ZBED6: variants seen among roughly 807,000 people sequenced by gnomAD.
The protein encoded by ZBED6 is zinc finger BED-type containing 6, also known as zinc finger BED domain-containing protein 6.
In ZBED6, 40 loss-of-function variants were observed where a neutral mutation model predicts 58.4. That is an observed-to-expected ratio of 0.68 (90% CI 0.53 to 0.89). The LOEUF is 0.89. Among genes scored for constraint, ZBED6 ranks in the 40% least tolerant of loss-of-function variants. The pLI, the probability that ZBED6 is intolerant of heterozygous loss-of-function variation, is 0.00. For synonymous variants in ZBED6, 439 were observed against 350.6 expected, an observed-to-expected ratio of 1.25 and a Z score of -2.82; for missense variants, 1,057 against 1,003.9, an observed-to-expected ratio of 1.05 and a Z score of -0.71.
chr1:203,840,248 T>G, intron 10 of ZBED6, 58 bp from the exon 11 acceptor site: 1 of 1,555,092 alleles, frequency 6.4e-7, no homozygotes, highest in Non-Finnish European at 8.9e-7. Context: ...AAACCTGTAT[T>G]TAAGCTGTAA....
chr1:203,796,343 G>A (rs1339683351), exon 1 of ZBED6: 16 of 398,344 alleles, frequency 4.0e-5, no homozygotes, highest in Non-Finnish European at 7.1e-5. Flanking sequence ...GAAAGCCACC[G>A]ACCTTATTCC....
At chr1:203,839,324 G>C (rs1023288432) in intron 10 of ZBED6, among the ~76,000 whole-genome samples, 2 of 152,332 alleles carry the variant, frequency 1.3e-5, no homozygotes, top group East Asian at 3.9e-4. Flanking sequence ...GTACAGGAAT[G>C]CACTATTGCG....
Position 203,849,603 on chromosome 1 carries a change from T to G in ZBED6, c.*4323-108T>G, listed in dbSNP as rs991142391. 1.1e-4 allele frequency: 112 copies of G among 1,057,344 alleles called. No homozygotes were observed. The African/African-American group carries it at 1.5e-3, about 15-fold the overall frequency. The allele number at this position is 1,057,344 out of a possible 1,614,324, so 65.5% of individuals were successfully genotyped here. A position where few individuals can be genotyped will look rare whatever the true frequency, so the allele number is the denominator to read the frequency against. On this transcript the variant is annotated intron_variant, in intron 13 of 16. Coordinates refer to ENST00000550078, the Ensembl canonical transcript of ZBED6. Reference sequence around the variant, plus strand: ...CAAATAAAGAGCTTTTCTCTCAGATTCTGGATCATGTGAGATTCTGCTTAA... The same window carrying G: ...CAAATAAAGAGCTTTTCTCTCAGATGCTGGATCATGTGAGATTCTGCTTAA...
exon 1 of ZBED6, chr1:203,798,973 T>C: frequency 6.5e-7 from 1 of 1,536,130 alleles, no homozygotes; most frequent in African/African-American, 1.4e-5. Flanking sequence ...CACCTGACTG[T>C]TGACATATGG....
chr1:203,845,529 A>G (rs1687647108), intron 11 of ZBED6, among the ~76,000 whole-genome samples: 1 of 152,200 alleles, frequency 6.6e-6, no homozygotes, highest in South Asian at 2.1e-4. Context: ...TTTGATCAGA[A>G]AAACTAAATT....
chr1:203,818,662 G>T (rs750170466), exon 3 of ZBED6: 1 of 1,614,158 alleles, frequency 6.2e-7, no homozygotes, highest in Non-Finnish European at 8.5e-7. Flanking sequence ...TTCGACAGGT[G>T]TGCAGGTTTC....
chr1:203,805,923 C>T (rs553517709), intron 1 of ZBED6: 20 of 666,096 alleles, frequency 3.0e-5, no homozygotes, highest in Admixed American at 2.5e-4. Context: ...TGTCTACCTT[C>T]ATTTCCTTTG....
chr1:203,842,249 G>T (rs906337524), intron 11 of ZBED6, among the ~76,000 whole-genome samples: 2 of 152,160 alleles, frequency 1.3e-5, no homozygotes, highest in Non-Finnish European at 2.9e-5. Flanking sequence ...AAGGCAGGCG[G>T]CTGGGAGGTG....
At chr1:203,838,109 A>C (rs762809696) in intron 10 of ZBED6, 45 bp downstream of exon 10, 3 of 1,563,544 alleles carry the variant, frequency 1.9e-6, no homozygotes, top group Non-Finnish European at 2.6e-6. Flanking sequence ...TAATTATGAC[A>C]CTTGTGTCTT....
intron 1 of ZBED6, among the ~76,000 whole-genome samples, chr1:203,809,434 C>T (rs1673586908): frequency 6.6e-6 from 1 of 151,982 alleles, no homozygotes; most frequent in South Asian, 2.1e-4. Context: ...CTCCGAAATC[C>T]CAGGTTGCTG....
At chr1:203,810,585 A>G (rs924923882) in intron 1 of ZBED6, among the ~76,000 whole-genome samples, 1 of 151,850 alleles carries the variant, frequency 6.6e-6, no homozygotes, top group Non-Finnish European at 1.5e-5. Context: ...ACGCCCAGCT[A>G]ATTTTTTGTA....
At chr1:203,812,845 G>A (rs1286886619) in intron 1 of ZBED6, among the ~76,000 whole-genome samples, 1 of 152,090 alleles carries the variant, frequency 6.6e-6, no homozygotes, top group Non-Finnish European at 1.5e-5. Flanking sequence ...GCCTCCCAAA[G>A]TGCTGGGATT....
intron 10 of ZBED6, among the ~76,000 whole-genome samples, chr1:203,839,017 G>A (rs1685257310): frequency 6.6e-6 from 1 of 151,260 alleles, no homozygotes; most frequent in Non-Finnish European, 1.5e-5. Context: ...AGGCTCAAAT[G>A]TGCATTTTAA....
intron 1 of ZBED6, among the ~76,000 whole-genome samples, chr1:203,805,415 G>A (rs1024416726): frequency 3.3e-5 from 5 of 152,134 alleles, no homozygotes; most frequent in African/African-American, 1.2e-4. Context: ...ACAGGTGTGA[G>A]CCACCGCGCC....
At chr1:203,843,162 A>C (rs1572325190) in intron 11 of ZBED6, among the ~76,000 whole-genome samples, 1 of 152,166 alleles carries the variant, frequency 6.6e-6, no homozygotes. Context: ...ATCTCTCCCT[A>C]GTATGCTGCA....
intron 1 of ZBED6, chr1:203,806,324 C>T (rs1301895837): frequency 8.6e-6 from 2 of 231,728 alleles, no homozygotes; most frequent in East Asian, 1.4e-4. Flanking sequence ...TTTTTTGAGA[C>T]GGAGTCTCGC....
intron 11 of ZBED6, among the ~76,000 whole-genome samples, chr1:203,844,952 C>T (rs1239741765): frequency 6.6e-6 from 1 of 152,024 alleles, no homozygotes; most frequent in Non-Finnish European, 1.5e-5. Context: ...TTTTAGGGAG[C>T]AGTTCTCAGG....
intron 1 of ZBED6, among the ~76,000 whole-genome samples, chr1:203,813,804 T>A (rs183633064): frequency 6.2e-4 from 95 of 152,200 alleles, no homozygotes; most frequent in Middle Eastern, 3.4e-3. Context: ...CATGGTCATC[T>A]TCTCCTTGTG....
chr1:203,805,790 T>G (rs1456914694), intron 1 of ZBED6: 2 of 725,524 alleles, frequency 2.8e-6, no homozygotes, highest in East Asian at 6.7e-5. Flanking sequence ...GCTTCTAGGT[T>G]GTCTTCATCT....
Sources: gnomAD v4.1 joint callset for allele counts (sites outside exome capture counted in the v4.1 genomes callset) on GRCh38, gnomAD v4.1.1 for gene constraint, MANE v1.5 for transcripts, NCBI Gene and HGNC (gene_info 2026-07-23, HGNC 2026-07-21) for gene names.